ABCA5: variants seen among roughly 807,000 people sequenced by gnomAD.
ABCA5 encodes the protein ATP binding cassette subfamily A member 5.
Under a neutral mutation model 206.0 loss-of-function variants are expected in ABCA5, and 163 were observed. The ratio of observed to expected loss-of-function variants is 0.79; its 90% CI spans 0.70 to 0.90. The LOEUF is 0.90. ABCA5 is among the 40% of genes least tolerant of loss of function. The pLI is 0.00. For missense variants in ABCA5, 1,859 were observed against 1,912.9 expected (o/e 0.97, Z 0.53); for synonymous variants, 609 against 613.8 (o/e 0.99, Z 0.11).
At chr17:69,311,258 T>C (rs1439245029) in intron 3 of ABCA5, among the ~76,000 whole-genome samples, 2 of 152,068 alleles carry the variant, frequency 1.3e-5, no homozygotes, top group Non-Finnish European at 2.9e-5. Flanking sequence ...TGTTAATTAA[T>C]AGATTTTCCA....
rs1184986684 is a variant in ABCA5, at chr17:69,246,627, T to G, written c.*910A>C. 1.3e-5 allele frequency: 2 copies of G among 151,894 alleles called. No homozygotes were observed. Among genetic ancestry groups the G allele is most frequent in the Non-Finnish European group, 2.9e-5 (2 of 67,808 alleles). 9.4% of individuals were successfully genotyped at this position (151,894 alleles called of 1,614,324 possible). A position where few individuals can be genotyped will look rare whatever the true frequency, so the allele number is the denominator to read the frequency against. On this transcript the variant is annotated 3_prime_UTR_variant, in exon 39 of 39. Transcript: ENST00000392676. The stretch of plus-strand genomic sequence containing the variant: ...TTACAATTTTATAGAAGAGATTCAC[T>G]AAAGTTTACCAATAAAAACAAATAC...
intron 1 of ABCA5, among the ~76,000 whole-genome samples, chr17:69,320,368 GA>G (rs918834275): frequency 6.6e-6 from 1 of 151,962 alleles, no homozygotes; most frequent in Non-Finnish European, 1.5e-5. Flanking sequence ...AGGACAGAGA[GA>G]AAAAAATGAT....
rs571529452 is a variant in ABCA5, at chr17:69,252,042, C to T, written c.4416-176G>A. ...TTTTTTTTTTTTTGAGACGGAGTCT[C>T]GCTCTGTCCCCCAGGCTGGAGAGAA... On this transcript the variant is annotated intron_variant, in intron 34 of 38. Coordinates refer to ENST00000392676, the MANE Select transcript of ABCA5 (RefSeq NM_172232.4). 1.8e-4 allele frequency among the ~76,000 whole-genome samples: 12 copies of T among 67,566 alleles called. No homozygotes were observed. In the South Asian group the frequency reaches 4.3e-3, roughly 24 times the overall value. The allele number at this position is 67,566 out of a possible 152,430, so 44.3% of individuals were successfully genotyped here. A position where few individuals can be genotyped will look rare whatever the true frequency, so the allele number is the denominator to read the frequency against.
chr17:69,308,047 G>A (rs1309600272), intron 5 of ABCA5, among the ~76,000 whole-genome samples: 1 of 152,028 alleles, frequency 6.6e-6, no homozygotes, highest in Non-Finnish European at 1.5e-5. Context: ...AGACACAAAA[G>A]TAAGATTTTT....
intron 25 of ABCA5, 121 bp downstream of exon 25, chr17:69,261,514 C>T (rs1262997754): frequency 6.4e-6 from 4 of 620,844 alleles, no homozygotes; most frequent in South Asian, 4.7e-5. Flanking sequence ...AAAGAAGCTG[C>T]CAATTACCTA....
intron 17 of ABCA5, among the ~76,000 whole-genome samples, chr17:69,284,732 T>C (rs896940985): frequency 3.9e-5 from 6 of 152,206 alleles, no homozygotes; most frequent in African/African-American, 1.4e-4. Flanking sequence ...TGTTTCTGTA[T>C]TCAATCTGTT....
Position 69,318,359 on chromosome 17 carries a change from T to C in ABCA5, c.-15-3929A>G, listed in dbSNP as rs988711870. On this transcript the variant is annotated intron_variant, in intron 1 of 38. Coordinates refer to ENST00000392676, the MANE Select transcript of ABCA5 (RefSeq NM_172232.4). ...ATCCATCTGCCTTTGCCTCCCAAAG[T>C]GCTGGGATTACAGGAGTGAGCCACC... Among the ~76,000 whole-genome samples the C allele has an allele frequency of 3.9e-5, 6 of 152,124 alleles. 1 individual carries two copies. The highest frequency in any genetic ancestry group is 1.4e-4 in the African/African-American group (6 of 41,418).
intron 18 of ABCA5, among the ~76,000 whole-genome samples, chr17:69,282,403 G>T (rs2075403850): frequency 6.6e-6 from 1 of 152,090 alleles, no homozygotes; most frequent in Non-Finnish European, 1.5e-5. Context: ...CTACCTGTGA[G>T]TAACTTCCAA....
chr17:69,264,968 A>G (rs905210351), intron 23 of ABCA5, 63 bp from the exon 24 acceptor site: 28 of 1,159,932 alleles, frequency 2.4e-5, no homozygotes, highest in Admixed American at 6.2e-5. Context: ...CAAATAAATT[A>G]GTAAATTATT....
chr17:69,294,540 T>C (rs2075565451), intron 11 of ABCA5, 115 bp downstream of exon 11: 2 of 978,762 alleles, frequency 2.0e-6, no homozygotes, highest in East Asian at 5.0e-5. Flanking sequence ...TAAAATAAAA[T>C]AAAAGCAAGA....
intron 20 of ABCA5, among the ~76,000 whole-genome samples, chr17:69,273,365 T>A (rs1390732717): frequency 6.6e-6 from 1 of 151,942 alleles, no homozygotes; most frequent in African/African-American, 2.4e-5. Context: ...CATGGACTTA[T>A]CAGCATAAAA....
In ABCA5 at chr17:69,245,783, T is replaced by TA. The variant is rs771361266; in HGVS notation, c.*1753_*1754insT. The TA allele has an allele frequency of 6.6e-6, 1 of 151,980 alleles. No individual in the cohort carries two copies. The highest frequency in any genetic ancestry group is 1.5e-5 in the Non-Finnish European group (1 of 67,858). 9.4% of individuals were successfully genotyped at this position (151,980 alleles called of 1,614,324 possible). ...TTTGCACCAATTACACATTCACAAATGTAAAGTGAAAGTTACCAAATCTAC... is the reference window on the plus strand; with the variant it reads ...TTTGCACCAATTACACATTCACAAATAGTAAAGTGAAAGTTACCAAATCTAC... On this transcript the variant is annotated 3_prime_UTR_variant, in exon 39 of 39. Transcript: ENST00000392676.
intron 16 of ABCA5, 60 bp from the exon 17 acceptor site, chr17:69,286,097 T>A: frequency 8.3e-6 from 13 of 1,571,944 alleles, no homozygotes; most frequent in Non-Finnish European, 9.5e-6. Flanking sequence ...AAGTAAATTA[T>A]GAAGGCTTTA....
At chr17:69,320,802 AG>A (rs2075858475) in intron 1 of ABCA5, among the ~76,000 whole-genome samples, 2 of 152,156 alleles carry the variant, frequency 1.3e-5, no homozygotes, top group African/African-American at 4.8e-5. Context: ...CAATTTGAAA[AG>A]GGATATGGCG....
Position 69,304,759 on chromosome 17 carries a change from A to C in ABCA5, c.840T>G (p.Leu280=). 1 of 1,609,006 alleles carries C rather than the reference A, an allele frequency of 6.2e-7. No individual in the cohort carries two copies. Among genetic ancestry groups the C allele is most frequent in the South Asian group, 1.1e-5 (1 of 90,158 alleles). The change falls in exon 7 of 39, where the codon CTT becomes CTG. Residue 280 remains leucine, a synonymous_variant. Coordinates refer to ENST00000392676, the MANE Select transcript of ABCA5 (RefSeq NM_172232.4). ...YTSLIFLMSL[L]MAVIATASLL... ...AAGAAGCTGTCGCAATGACTGCCAT[A>C]AGAAGGGACATAAGAAAAATTAAAC...
intron 26 of ABCA5, 43 bp from the exon 27 acceptor site, chr17:69,260,455 G>T: frequency 8.1e-7 from 1 of 1,238,536 alleles, no homozygotes; most frequent in South Asian, 1.3e-5. Context: ...GCAATATGTA[G>T]AAATATTTGG....
In ABCA5 at chr17:69,289,179, T is replaced by C; in HGVS notation, c.1900A>G (p.Lys634Glu). 1 of 1,597,420 alleles carries C rather than the reference T, an allele frequency of 6.3e-7. No homozygotes were observed. Among genetic ancestry groups the C allele is most frequent in the Non-Finnish European group, 8.5e-7 (1 of 1,175,294 alleles). ...SLGIAVLGNP[K>E]ILLLDEPTAG... is the part of the protein sequence containing the mutation. ...CTGTAAAAGTAATATTTATTTACCTTTGGGTTCCCAAGAACAGCAATTCCT... is the reference window on the plus strand; with the variant it reads ...CTGTAAAAGTAATATTTATTTACCTCTGGGTTCCCAAGAACAGCAATTCCT... Residue 634 changes from lysine (K) to glutamate (E), a missense_variant and splice_region_variant, in exon 14 of 39, where the codon AAG (lysine) becomes GAG (glutamate). Physicochemically the swap from Lys to Glu is moderately conservative, Grantham distance 56 (BLOSUM62 1). Coordinates refer to ENST00000392676, the MANE Select transcript of ABCA5 (RefSeq NM_172232.4).
chr17:69,321,432 C>A (rs1437921771), intron 1 of ABCA5, among the ~76,000 whole-genome samples: 1 of 152,148 alleles, frequency 6.6e-6, no homozygotes, highest in African/African-American at 2.4e-5. Flanking sequence ...ATACAAGAAA[C>A]CCCGTATTTA....
At chr17:69,252,256 T>C (rs6501313) in intron 34 of ABCA5, among the ~76,000 whole-genome samples, 118,233 of 151,814 alleles carry the variant, frequency 0.78, 46,742 homozygotes, top group African/African-American at 0.89. Flanking sequence ...CCTCGTGGTC[T>C]GCTGCCTCAG....
Sources: gnomAD v4.1 joint callset for allele counts (sites outside exome capture counted in the v4.1 genomes callset) on GRCh38, gnomAD v4.1.1 for gene constraint, MANE v1.5 for transcripts, NCBI Gene and HGNC (gene_info 2026-07-23, HGNC 2026-07-21) for gene names.